Variants in RD3 observed in about 807,000 individuals in gnomAD.
RD3 encodes the protein RD3 regulator of GUCY2D.
Under a neutral mutation model 16.9 loss-of-function variants are expected in RD3, and 11 were observed. The observed-to-expected ratio is 0.65, with a 90% CI of 0.41 to 1.08. The LOEUF is 1.08. Ranked by LOEUF, RD3 falls within the 50% of genes least tolerant of loss-of-function variation. The pLI is 0.00. For missense variants in RD3, 274 were observed against 267.4 expected (o/e 1.02, Z -0.17); for synonymous variants, 116 against 114.8 (o/e 1.01, Z -0.07).
rs145054188 is a variant in RD3, at chr1:211,481,385, C to T, written c.31G>A (p.Glu11Lys). 47 of 1,613,278 alleles carry T rather than the reference C, an allele frequency of 2.9e-5. No homozygotes were observed. The African/African-American group carries it at 4.7e-4, about 16-fold the overall frequency. MSLISWLRWNEAPSRLSTRSP... is the reference protein window; with the variant it reads MSLISWLRWNKAPSRLSTRSP... Reference sequence around the variant, plus strand: ...CTGGTGGACAGCCGGGATGGGGCCTCGTTCCACCGAAGCCATGAGATGAGA... The same window carrying T: ...CTGGTGGACAGCCGGGATGGGGCCTTGTTCCACCGAAGCCATGAGATGAGA... The change falls in exon 2 of 3, where the codon GAG becomes AAG. Residue 11 changes from glutamate to lysine, a missense_variant. By Grantham distance (56) the Glu-to-Lys change is moderately conservative. Coordinates refer to ENST00000680073, the MANE Select transcript of RD3 (RefSeq NM_001164688.2).
intron 1 of RD3, among the ~76,000 whole-genome samples, chr1:211,483,908 C>T (rs912891044): frequency 4.6e-5 from 7 of 152,168 alleles, no homozygotes; most frequent in Admixed American, 2.0e-4. Context: ...TGCGAGCATG[C>T]GGAGTCACTG....
chr1:211,485,607 T>A (rs925833585), intron 1 of RD3, among the ~76,000 whole-genome samples: 5 of 150,582 alleles, frequency 3.3e-5, no homozygotes, highest in African/African-American at 1.2e-4. Context: ...CTGGGGGAGG[T>A]CTGTTAAACA....
At chr1:211,485,472 C>G (rs186901395) in intron 1 of RD3, among the ~76,000 whole-genome samples, 12 of 152,208 alleles carry the variant, frequency 7.9e-5, no homozygotes, top group Non-Finnish European at 1.0e-4. Context: ...GAGGGAGAGA[C>G]AGAGGGAGGA....
rs752125060 is a variant in RD3 at position 211,478,469 on chromosome 1, T to A, written c.*567A>T. On this transcript the variant is annotated 3_prime_UTR_variant, in exon 3 of 3. Coordinates refer to ENST00000680073, the MANE Select transcript of RD3 (RefSeq NM_001164688.2). ...GAAGTGTCCCTCTCTGAGCCTCAAG[T>A]TCCACATTTACTAGCTGAAGAGAGT... 1 of 310,704 alleles carries A rather than the reference T, an allele frequency of 3.2e-6. No individual in the cohort carries two copies. The highest frequency in any genetic ancestry group is 2.1e-5 in the African/African-American group (1 of 46,624). The allele number at this position is 310,704 out of a possible 1,614,324, so 19.2% of individuals were successfully genotyped here.
chr1:211,480,044 A>C (rs1420976059), intron 2 of RD3, among the ~76,000 whole-genome samples: 1 of 152,196 alleles, frequency 6.6e-6, no homozygotes, highest in East Asian at 1.9e-4. Context: ...ATGAGACAGG[A>C]CAATCATGAC....
At chr1:211,488,516 C>T (rs1409010492) in intron 1 of RD3, among the ~76,000 whole-genome samples, 3 of 125,440 alleles carry the variant, frequency 2.4e-5, no homozygotes, top group Non-Finnish European at 3.2e-5. Context: ...GCCTAGGCGA[C>T]AGAACAAGAC....
rs184057650 is a variant in RD3, at chr1:211,479,645, C to G, written c.297-318G>C. Among the ~76,000 whole-genome samples the G allele has an allele frequency of 2.0e-5, 3 of 151,664 alleles. No individual in the cohort carries two copies. In the East Asian group the frequency reaches 5.8e-4, roughly 29 times the overall value. ...GACACTTACCTAAGGTTGTTGATGA[C>G]GAAGCATTAAGGGGAGCCCTTTGCC... On this transcript the variant is annotated intron_variant, in intron 2 of 2. Transcript: ENST00000680073.
intron 1 of RD3, among the ~76,000 whole-genome samples, chr1:211,489,629 G>A (rs4951750): frequency 0.86 from 129,152 of 149,892 alleles, 56,092 homozygotes; most frequent in African/African-American, 0.96. Context: ...TTGTACCCCA[G>A]TGAATTTACT....
At chr1:211,485,241 G>A (rs1163633662) in intron 1 of RD3, among the ~76,000 whole-genome samples, 1 of 152,172 alleles carries the variant, frequency 6.6e-6, no homozygotes, top group Non-Finnish European at 1.5e-5. Context: ...CCTGAATTTT[G>A]TGGGCTCTAA....
In RD3 at chr1:211,478,810, A is replaced by C; in HGVS notation, c.*226T>G. 1 of 561,256 alleles carries C rather than the reference A, an allele frequency of 1.8e-6. No homozygotes were observed. The highest frequency in any genetic ancestry group is 3.1e-6 in the Non-Finnish European group (1 of 317,652). 34.8% of individuals were successfully genotyped at this position (561,256 alleles called of 1,614,324 possible). On this transcript the variant is annotated 3_prime_UTR_variant, in exon 3 of 3. Transcript: ENST00000680073. ...GGCTGCTCCTGCAGACTAGCGCAGG[A>C]GAGGGAGAGGGCGGTGCCGCTCTAC...
Position 211,478,697 on chromosome 1 carries a change from G to A in RD3, c.*339C>T, listed in dbSNP as rs1354336814. ...AACCTAGGTCTTGCCAAAAGGCAGG[G>A]CAACTGTCCCCTTTTAGACAGAACC... is the stretch of plus-strand genomic sequence containing the variant. On this transcript the variant is annotated 3_prime_UTR_variant, in exon 3 of 3. Transcript: ENST00000680073. 3 of 310,112 alleles carry A rather than the reference G, an allele frequency of 9.7e-6. No individual in the cohort carries two copies. Among genetic ancestry groups the A allele is most frequent in the African/African-American group, 4.3e-5 (2 of 46,640 alleles). 19.2% of individuals were successfully genotyped at this position (310,112 alleles called of 1,614,324 possible).
Position 211,478,849 on chromosome 1 carries a change from T to A in RD3, c.*187A>T, listed in dbSNP as rs1705202109. 3.3e-6 allele frequency: 2 copies of A among 614,342 alleles called. No individual in the cohort carries two copies. 38.1% of individuals were successfully genotyped at this position (614,342 alleles called of 1,614,324 possible). The stretch of plus-strand genomic sequence containing the variant: ...GTGCCGCTCTACGACCTAACTCAGC[T>A]TTGTGGCCAGAGGAAGAGGATGGGG... On this transcript the variant is annotated 3_prime_UTR_variant, in exon 3 of 3. Coordinates refer to ENST00000680073, the MANE Select transcript of RD3 (RefSeq NM_001164688.2).
chr1:211,478,534 C>T lies in RD3; in HGVS notation c.*502G>A, dbSNP rs896026175. ...CTCTGGTCCCTTCCAGCTGTGCCTG[C>T]CTATGAGGCTGTGTGTGACCCACCT... On this transcript the variant is annotated 3_prime_UTR_variant, in exon 3 of 3. Coordinates refer to ENST00000680073, the MANE Select transcript of RD3 (RefSeq NM_001164688.2). 34 of 227,006 alleles carry T rather than the reference C, an allele frequency of 1.5e-4. No individual in the cohort carries two copies. The highest frequency in any genetic ancestry group is 7.5e-4 in the African/African-American group (33 of 44,228). 14.1% of individuals were successfully genotyped at this position (227,006 alleles called of 1,614,324 possible). A position where few individuals can be genotyped will look rare whatever the true frequency, so the allele number is the denominator to read the frequency against.
intron 1 of RD3, among the ~76,000 whole-genome samples, chr1:211,485,102 G>A (rs1705347133): frequency 6.6e-6 from 1 of 152,236 alleles, no homozygotes; most frequent in East Asian, 1.9e-4. Context: ...CTGGGGTGCA[G>A]CCTGTATGGG....
intron 1 of RD3, among the ~76,000 whole-genome samples, chr1:211,490,452 G>A (rs549554521): frequency 2.1e-4 from 32 of 152,352 alleles, no homozygotes; most frequent in African/African-American, 5.8e-4. Context: ...GTGACCCGCC[G>A]GACCCAGGCA....
chr1:211,486,360 C>T (rs1421455430), intron 1 of RD3, among the ~76,000 whole-genome samples: 3 of 151,082 alleles, frequency 2.0e-5, no homozygotes, highest in African/African-American at 2.4e-5. Context: ...CAAACATTAG[C>T]TGGGCATGGT....
intron 1 of RD3, among the ~76,000 whole-genome samples, chr1:211,488,103 C>T (rs1445993809): frequency 6.6e-6 from 1 of 152,210 alleles, no homozygotes. Context: ...GGTGTTCAGA[C>T]ACCAGCTCAG....
At chr1:211,484,139 G>A (rs1243433734) in intron 1 of RD3, among the ~76,000 whole-genome samples, 3 of 152,190 alleles carry the variant, frequency 2.0e-5, no homozygotes, top group South Asian at 2.1e-4. Context: ...CAGAGCTCAG[G>A]AGCACTTTAC....
Position 211,481,176 on chromosome 1 carries a change from C to T in RD3, c.240G>A (p.Gln80=). ...TYDLSPIERL[Q]LEDVCVKIHP... ...GGATCTTAACGCAGACATCTTCCAG[C>T]TGCAACCGCTCAATGGGGCTGAGGT... Residue 80 remains glutamine (Q), a synonymous_variant, in exon 2 of 3, where the codon CAG becomes CAA. Transcript: ENST00000680073. The T allele has an allele frequency of 1.2e-6, 2 of 1,614,286 alleles. No homozygotes were observed. The highest frequency in any genetic ancestry group is 1.7e-6 in the Non-Finnish European group (2 of 1,180,056).
Sources: gnomAD v4.1 joint callset for allele counts (sites outside exome capture counted in the v4.1 genomes callset) on GRCh38, gnomAD v4.1.1 for gene constraint, MANE v1.5 for transcripts, NCBI Gene and HGNC (gene_info 2026-07-23, HGNC 2026-07-21) for gene names.